The following TRDN variants were observed in gnomAD, a reference collection of about 807,000 sequenced individuals.
TRDN encodes the protein triadin.
A neutral mutation model predicts 149.7 loss-of-function variants in TRDN; 161 were observed. That is an observed-to-expected ratio of 1.08 (90% confidence interval 0.95 to 1.23). TRDN has a LOEUF of 1.23. TRDN is among the 50% of genes most tolerant of loss of function. The pLI, the probability that TRDN is intolerant of heterozygous loss-of-function variation, is 0.00. For missense variants in TRDN, 896 were observed against 823.5 expected (o/e 1.09, Z -1.08); for synonymous variants, 294 against 250.5 (o/e 1.17, Z -1.64).
rs7749215 is a variant in TRDN, at chr6:123,548,761, G to T, written c.233-149C>A. The T allele has an allele frequency of 0.58, 390,207 of 676,346 alleles. 118,736 individuals carry two copies. The highest frequency in any genetic ancestry group is 0.82 in the African/African-American group (44,019 of 53,674). 41.9% of individuals were successfully genotyped at this position (676,346 alleles called of 1,614,324 possible). A position where few individuals can be genotyped will look rare whatever the true frequency, so the allele number is the denominator to read the frequency against. On this transcript the variant is annotated intron_variant, in intron 2 of 40. Coordinates refer to ENST00000334268, the MANE Select transcript of TRDN (RefSeq NM_006073.4). ...ATATCTCCTGGCTACAATTTTTTGC[G>T]CAGAAATAGAAACTTCATCTTGCTA...
chr6:123,349,282 T>A (rs1780363072), intron 21 of TRDN, among the ~76,000 whole-genome samples: 1 of 152,020 alleles, frequency 6.6e-6, no homozygotes. Context: ...CTCTTGAAAA[T>A]ATATAAACTA....
chr6:123,561,649 CT>C, intron 2 of TRDN, among the ~76,000 whole-genome samples: 1 of 152,250 alleles, frequency 6.6e-6, no homozygotes, highest in South Asian at 2.1e-4. Context: ...TTTTCTCCTT[CT>C]CTTATTCCAT....
intron 32 of TRDN, among the ~76,000 whole-genome samples, chr6:123,265,872 T>C (rs1423583297): frequency 6.8e-6 from 1 of 147,042 alleles, no homozygotes; most frequent in Non-Finnish European, 1.5e-5. Context: ...AAAGACATTC[T>C]ATTTTTTTCC....
chr6:123,555,452 A>G (rs973118762), intron 2 of TRDN, among the ~76,000 whole-genome samples: 6 of 152,154 alleles, frequency 3.9e-5, no homozygotes, highest in African/African-American at 7.2e-5. Flanking sequence ...TTTAACCCCT[A>G]AGATGAGTTT....
chr6:123,500,819 T>C (rs1385479452), intron 8 of TRDN, among the ~76,000 whole-genome samples: 1 of 152,172 alleles, frequency 6.6e-6, no homozygotes, highest in African/African-American at 2.4e-5. Flanking sequence ...TGTGGTCCAG[T>C]ACTCTATAAC....
At chr6:123,272,062 C>T (rs995894822) in intron 29 of TRDN, among the ~76,000 whole-genome samples, 1 of 151,922 alleles carries the variant, frequency 6.6e-6, no homozygotes, top group African/African-American at 2.4e-5. Context: ...CACTCCAGCC[C>T]TGCTTTCCTT....
At chr6:123,509,838 C>T (rs1779090854) in intron 7 of TRDN, 1 of 151,998 alleles carries the variant, frequency 6.6e-6, no homozygotes, top group Non-Finnish European at 1.5e-5. Flanking sequence ...GCTTGAAGAC[C>T]TGTATTTAAT....
chr6:123,455,421 T>C (rs1026131361), intron 10 of TRDN, among the ~76,000 whole-genome samples: 5 of 149,054 alleles, frequency 3.4e-5, no homozygotes, highest in African/African-American at 1.2e-4. Context: ...TGTGTGTGTG[T>C]GTGTGTGTGT....
At chr6:123,587,084 CA>C (rs1253152254) in intron 1 of TRDN, among the ~76,000 whole-genome samples, 1 of 151,538 alleles carries the variant, frequency 6.6e-6, no homozygotes, top group Non-Finnish European at 1.5e-5. Context: ...TCTTGCCCCC[CA>C]GAAAGGTGGA....
rs55991401 is a variant in TRDN, at chr6:123,306,550, T to G, written c.1510+9907A>C. On this transcript the variant is annotated intron_variant, in intron 24 of 40. Transcript: ENST00000334268. ...AAGAATGTAATTCTCTGCACATACT[T>G]GACTGCTGGAATTGCTTGTTGTAAC... Among the ~76,000 whole-genome samples the G allele has an allele frequency of 1.4e-3, 214 of 152,216 alleles. 1 individual carries two copies. The highest frequency in any genetic ancestry group is 4.9e-3 in the African/African-American group (205 of 41,564).
At chr6:123,252,514 A>C in intron 37 of TRDN, 79 bp from the exon 38 acceptor site, 1 of 723,320 alleles carries the variant, frequency 1.4e-6, no homozygotes, top group Non-Finnish European at 2.2e-6. Context: ...CTTTATAAAA[A>C]TATCTAATTA....
intron 23 of TRDN, among the ~76,000 whole-genome samples, chr6:123,317,163 C>T (rs1277873195): frequency 6.6e-6 from 1 of 151,762 alleles, no homozygotes; most frequent in East Asian, 1.9e-4. Context: ...ATAGCACAAC[C>T]CTAATCAATA....
chr6:123,281,125 G>C (rs1777571416), intron 24 of TRDN, among the ~76,000 whole-genome samples: 1 of 151,716 alleles, frequency 6.6e-6, no homozygotes, highest in Non-Finnish European at 1.5e-5. Context: ...TGATATTCAG[G>C]CGGAAAAAAA....
At chr6:123,462,601 T>A (rs1776515394) in intron 10 of TRDN, 1 of 152,210 alleles carries the variant, frequency 6.6e-6, no homozygotes, top group African/African-American at 2.4e-5. Context: ...TTGAAATATG[T>A]ACATTCTCCT....
intron 4 of TRDN, among the ~76,000 whole-genome samples, chr6:123,538,576 TG>T (rs1192593345): frequency 6.6e-6 from 1 of 152,168 alleles, no homozygotes; most frequent in Middle Eastern, 3.2e-3. Flanking sequence ...TATGACTTAA[TG>T]GGCAACCACT....
chr6:123,252,646 T>C lies in TRDN; in HGVS notation c.1952-211A>G, dbSNP rs77255943. Among the ~76,000 whole-genome samples, 483 of 152,132 alleles carry C rather than the reference T, an allele frequency of 3.2e-3. 19 individuals are homozygous for C. In the East Asian group the frequency reaches 0.08, roughly 25 times the overall value. On this transcript the variant is annotated intron_variant, in intron 37 of 40. Coordinates refer to ENST00000334268, the MANE Select transcript of TRDN (RefSeq NM_006073.4). ...TTAAAATTTTTATTTAGAGATGGGG[T>C]CTCAGTTGCCCAAGATGACATGAAG... is the stretch of plus-strand genomic sequence containing the variant.
intron 21 of TRDN, among the ~76,000 whole-genome samples, chr6:123,344,577 G>T (rs745317588): frequency 6.6e-6 from 1 of 151,820 alleles, no homozygotes; most frequent in South Asian, 2.1e-4. Flanking sequence ...ATAATTTAAG[G>T]TTCTTCTATG....
At chr6:123,449,117 A>G (rs546585968) in intron 10 of TRDN, among the ~76,000 whole-genome samples, 1 of 152,276 alleles carries the variant, frequency 6.6e-6, no homozygotes, top group East Asian at 1.9e-4. Context: ...TACCCAAATG[A>G]GAAGGAACCA....
At chr6:123,556,371 T>C (rs556194408) in intron 2 of TRDN, among the ~76,000 whole-genome samples, 65 of 152,252 alleles carry the variant, frequency 4.3e-4, no homozygotes, top group Non-Finnish European at 9.0e-4. Context: ...ATAGAGACCA[T>C]ATACATAGGT....
Sources: allele counts gnomAD v4.1 joint callset (sites outside exome capture counted in the v4.1 genomes callset), GRCh38; gene constraint gnomAD v4.1.1; transcripts MANE v1.5; gene names NCBI Gene and HGNC (gene_info 2026-07-23, HGNC 2026-07-21).